The following P3H1 variants were observed in gnomAD, a reference collection of about 807,000 sequenced individuals.
P3H1 encodes prolyl 3-hydroxylase 1.
Under a neutral mutation model 84.0 loss-of-function variants are expected in P3H1, and 69 were observed. The observed-to-expected ratio is 0.82, with a 90% CI of 0.68 to 1.00. The LOEUF is 1.00. Among genes scored for constraint, P3H1 ranks in the 50% least tolerant of loss-of-function variants. P3H1 has a pLI of 0.00. For synonymous variants in P3H1, 366 were observed against 388.8 expected (o/e 0.94, Z 0.69); for missense variants, 878 against 962.8 (o/e 0.91, Z 1.17).
intron 1 of P3H1, among the ~76,000 whole-genome samples, chr1:42,764,703 T>C (rs535405389): frequency 2.6e-5 from 4 of 152,240 alleles, no homozygotes; most frequent in Non-Finnish European, 4.4e-5. Context: ...CTAAGAAAAC[T>C]TATTTTCTTA....
chr1:42,750,903 G>C (rs1341468061), intron 10 of P3H1, among the ~76,000 whole-genome samples: 4 of 148,512 alleles, frequency 2.7e-5, no homozygotes, highest in African/African-American at 5.0e-5. Flanking sequence ...GGGAAGTGAG[G>C]AGCCCCTCTG....
Position 42,755,531 on chromosome 1 carries a change from C to T in P3H1, c.1170+17G>A, listed in dbSNP as rs1276963623. ...ACTCTTTCCCCGCTCCCTTCCGGCTCCTGTACCCTAGCTCACCGGATCCAC... is the reference window on the plus strand; with the variant it reads ...ACTCTTTCCCCGCTCCCTTCCGGCTTCTGTACCCTAGCTCACCGGATCCAC... On this transcript the variant is annotated intron_variant, in intron 6 of 14. Transcript: ENST00000296388. 3 of 1,602,054 alleles carry T rather than the reference C, an allele frequency of 1.9e-6. No homozygotes were observed. The highest frequency in any genetic ancestry group is 2.2e-5 in the East Asian group (1 of 44,834).
chr1:42,761,954 T>C, intron 2 of P3H1: 1 of 238,162 alleles, frequency 4.2e-6, no homozygotes, highest in South Asian at 5.1e-5. Context: ...AAAAATTATA[T>C]ACGGAAGACT....
At position 42,754,971 on chromosome 1, in the gene P3H1, C is replaced by A. The variant is rs147423732; in HGVS notation, c.1243G>T (p.Val415Leu). 18 of 1,614,174 alleles carry A rather than the reference C, an allele frequency of 1.1e-5. No individual in the cohort carries two copies. Among genetic ancestry groups the A allele is most frequent in the Non-Finnish European group, 1.4e-5 (17 of 1,180,026 alleles). The change falls in exon 8 of 15, where the codon GTA becomes TTA. Residue 415 changes from valine to leucine, a missense_variant. Val to Leu is a conservative substitution (Grantham distance 32, BLOSUM62 1). Coordinates refer to ENST00000296388, the MANE Select transcript of P3H1 (RefSeq NM_022356.4). This position sits in a 1 kb window ranked among gnomAD's most constrained non-coding sequence, Gnocchi z 4.0. ...TTCCCAATCTCCTGGGAGATGCGTACGGCTGTTTCCCGTTCTGACCTATGA... is the reference window on the plus strand; with the variant it reads ...TTCCCAATCTCCTGGGAGATGCGTAAGGCTGTTTCCCGTTCTGACCTATGA... ...EKQKSERETA[V>L]RISQEIGNLM...
rs751518628 is a variant in P3H1, at chr1:42,762,475, T to C, written c.466A>G (p.Ile156Val). 1.2e-6 allele frequency: 2 copies of C among 1,613,998 alleles called. No homozygotes were observed. Among genetic ancestry groups the C allele is most frequent in the Non-Finnish European group, 1.7e-6 (2 of 1,179,936 alleles). ...GCAACAGCTTTCTCCAACTTGTTGATCTAAGAATGAAGCATGAGAAGGTGG... is the reference window on the plus strand; with the variant it reads ...GCAACAGCTTTCTCCAACTTGTTGACCTAAGAATGAAGCATGAGAAGGTGG... Reference protein sequence around the residue: ...YNYLQVAYFKINKLEKAVAAA... With the variant: ...YNYLQVAYFKVNKLEKAVAAA... The change falls in exon 2 of 15, where the codon ATC becomes GTC. Residue 156 changes from isoleucine to valine, a missense_variant and splice_region_variant. Coordinates refer to ENST00000296388, the MANE Select transcript of P3H1 (RefSeq NM_022356.4).
chr1:42,753,223 A>G (rs1652207224), intron 8 of P3H1, among the ~76,000 whole-genome samples: 2 of 152,370 alleles, frequency 1.3e-5, no homozygotes, highest in East Asian at 1.9e-4. Flanking sequence ...AGGATCTTGC[A>G]ATCTGCATGA....
chr1:42,757,727 C>T, intron 5 of P3H1, 56 bp downstream of exon 5: 9 of 1,613,942 alleles, frequency 5.6e-6, no homozygotes, highest in Non-Finnish European at 7.6e-6. Flanking sequence ...CCCCACTCTT[C>T]CGCCCTCAGG....
intron 1 of P3H1, 144 bp downstream of exon 1, chr1:42,766,363 C>A: frequency 1.4e-6 from 1 of 732,730 alleles, no homozygotes; most frequent in Non-Finnish European, 2.3e-6. Context: ...GCAGCTCTCC[C>A]CGGCTCCGAG....
At chr1:42,764,931 C>G (rs1366161401) in intron 1 of P3H1, among the ~76,000 whole-genome samples, 1 of 152,204 alleles carries the variant, frequency 6.6e-6, no homozygotes, top group Non-Finnish European at 1.5e-5. Flanking sequence ...TCTCCACCCC[C>G]AGCCTTCTTT....
Position 42,766,518 on chromosome 1 carries a change from C to G in P3H1, c.454G>C (p.Ala152Pro). ...KRSPYNYLQVAYFKINKLEKA... is the reference protein window; with the variant it reads ...KRSPYNYLQVPYFKINKLEKA... ...AGGCAGGTCTGCACCTTGAAGTAGG[C>G]GACCTGCAGGTAGTTGTAGGGGCTC... The change falls in exon 1 of 15, where the codon GCC becomes CCC. Residue 152 changes from alanine (A) to proline (P), a missense_variant. Physicochemically the swap from Ala to Pro is conservative, Grantham distance 27 (BLOSUM62 -1). Coordinates refer to ENST00000296388, the MANE Select transcript of P3H1 (RefSeq NM_022356.4). 6.2e-7 allele frequency: 1 copy of G among 1,610,704 alleles called. No individual in the cohort carries two copies. The highest frequency in any genetic ancestry group is 8.5e-7 in the Non-Finnish European group (1 of 1,178,872).
Position 42,764,010 on chromosome 1 carries a change from A to G in P3H1, c.466-1535T>C, listed in dbSNP as rs568014210. ...CTGGGCGTGGTGGCATGTGCCTGTAATCCCAGCTACTCAGGAGGCTGAGGC... is the reference window on the plus strand; with the variant it reads ...CTGGGCGTGGTGGCATGTGCCTGTAGTCCCAGCTACTCAGGAGGCTGAGGC... On this transcript the variant is annotated intron_variant, in intron 1 of 14. Coordinates refer to ENST00000296388, the MANE Select transcript of P3H1 (RefSeq NM_022356.4). Among the ~76,000 whole-genome samples the G allele has an allele frequency of 3.3e-5, 5 of 152,054 alleles. No homozygotes were observed. The East Asian group carries it at 9.7e-4, about 30-fold the overall frequency.
Position 42,747,601 on chromosome 1 carries a change from G to A in P3H1, c.1914+122C>T, listed in dbSNP as rs1298609637. ...GACACGTCTCAAAGCCCCTCTGGAT[G>A]GGGGAAGGGTACCGCCCACTGGGAA... On this transcript the variant is annotated intron_variant, in intron 13 of 14. Transcript: ENST00000296388. 6 of 1,166,446 alleles carry A rather than the reference G, an allele frequency of 5.1e-6. No homozygotes were observed. In the East Asian group the frequency reaches 1.2e-4, roughly 23 times the overall value. The allele number at this position is 1,166,446 out of a possible 1,614,324, so 72.3% of individuals were successfully genotyped here.
intron 1 of P3H1, among the ~76,000 whole-genome samples, chr1:42,763,049 C>T (rs552977645): frequency 6.6e-5 from 10 of 151,364 alleles, no homozygotes; most frequent in Admixed American, 1.3e-4. Context: ...GGTGCCACAG[C>T]ACTCCAGCTT....
In P3H1 at chr1:42,750,297, G is replaced by C; in HGVS notation, c.1609C>G (p.Leu537Val). Residue 537 changes from leucine to valine, a missense_variant, in exon 11 of 15, where the codon CTG becomes GTG. Transcript: ENST00000296388. Reference sequence around the variant, plus strand: ...ACCTTCTCCGTCACGTTGTAGTACAGGTGGGCACTCTGCAGAGGAACTTTG... The same window carrying C: ...ACCTTCTCCGTCACGTTGTAGTACACGTGGGCACTCTGCAGAGGAACTTTG... ...EGKVPLQSAH[L>V]YYNVTEKVRR... is the part of the protein sequence containing the mutation. 1 of 1,614,088 alleles carries C rather than the reference G, an allele frequency of 6.2e-7. No individual in the cohort carries two copies. The highest frequency in any genetic ancestry group is 8.5e-7 in the Non-Finnish European group (1 of 1,180,014).
Position 42,759,329 on chromosome 1 carries a change from TG to T in P3H1, c.679del (p.His227ThrfsTer2). 1 of 1,614,108 alleles carries T rather than the reference TG, an allele frequency of 6.2e-7. No homozygotes were observed. The highest frequency in any genetic ancestry group is 8.5e-7 in the Non-Finnish European group (1 of 1,179,990). ...GTATTCTTGCAGCGCCGCCTCTAGG[TG>T]GGGCACAGCTTCCTGTGGCTGTTCC... ...SEEQPQEAVP[H>X]LEAALQEYFV... is the part of the protein sequence containing the mutation. On this transcript the variant is annotated frameshift_variant, in exon 3 of 15. Coordinates refer to ENST00000296388, the MANE Select transcript of P3H1 (RefSeq NM_022356.4). LOFTEE classifies it high-confidence loss of function.
At chr1:42,755,112 CTCAAGTGCT>C in intron 7 of P3H1, 44 bp downstream of exon 7, 1 of 1,611,696 alleles carries the variant, frequency 6.2e-7, no homozygotes, top group Non-Finnish European at 8.5e-7. Context: ...CTCAGGAAGC[CTCAAGTGCT>C]TCATCAGACT....
At chr1:42,759,098 T>A (rs1570473891) in intron 3 of P3H1, 103 bp downstream of exon 3, 1 of 1,570,314 alleles carries the variant, frequency 6.4e-7, no homozygotes, top group Non-Finnish European at 8.8e-7. Flanking sequence ...TCAGATTTAA[T>A]AAATTGAGGA....
At chr1:42,755,267 T>C in intron 6 of P3H1, 50 bp from the exon 7 acceptor site, 1 of 1,554,196 alleles carries the variant, frequency 6.4e-7, no homozygotes, top group Non-Finnish European at 8.9e-7. Flanking sequence ...TACTTAATCT[T>C]CCAGGTGTCT....
intron 1 of P3H1, among the ~76,000 whole-genome samples, chr1:42,764,170 A>C (rs1185569326): frequency 6.6e-6 from 1 of 151,978 alleles, no homozygotes; most frequent in Non-Finnish European, 1.5e-5. Flanking sequence ...CACGCCTGTA[A>C]TCCCGCACTT....
Sources: allele counts gnomAD v4.1 joint callset (sites outside exome capture counted in the v4.1 genomes callset), GRCh38; gene constraint gnomAD v4.1.1; non-coding constraint Gnocchi (gnomAD v3.1); transcripts MANE v1.5; gene names NCBI Gene and HGNC (gene_info 2026-07-23, HGNC 2026-07-21).